The following PIK3R1 variants were observed in gnomAD, a reference collection of about 807,000 sequenced individuals.
The protein encoded by PIK3R1 is phosphatidylinositol 3-kinase regulatory subunit alpha.
PIK3R1 carries 29 observed loss-of-function variants against 98.0 expected under a neutral mutation model. The observed-to-expected ratio is 0.30, with a 90% CI of 0.22 to 0.40. The LOEUF is 0.40. Ranked by LOEUF, PIK3R1 falls within the 10% of genes least tolerant of loss-of-function variation. The pLI is 1.00. For missense variants in PIK3R1, 596 were observed against 872.7 expected, an observed-to-expected ratio of 0.68 and a Z score of 3.99; for synonymous variants, 282 against 311.8, an observed-to-expected ratio of 0.90 and a Z score of 1.01.
At position 68,273,396 on chromosome 5, in the gene PIK3R1, C is replaced by A. The variant is rs1339235386; in HGVS notation, c.341C>A (p.Thr114Asn). 1 of 1,614,004 alleles carries A rather than the reference C, an allele frequency of 6.2e-7. No individual in the cohort carries two copies. The highest frequency in any genetic ancestry group is 8.5e-7 in the Non-Finnish European group (1 of 1,179,896). The change falls in exon 3 of 16, where the codon ACT becomes AAT. Residue 114 changes from threonine (T) to asparagine (N), a missense_variant. Physicochemically the swap from Thr to Asn is moderately conservative, Grantham distance 65 (BLOSUM62 0). This residue lies in a region of PIK3R1 where 352 missense variants were observed against 393.3 expected (regional missense o/e 0.90). Coordinates refer to ENST00000521381, the MANE Select transcript of PIK3R1 (RefSeq NM_181523.3). ...TEADVEQQAL[T>N]LPDLAEQFAP... ...GGGATTTTGTTGTTTGCAGCTTTGACTCTCCCGGATCTTGCAGAGCAGTTT... is the reference window on the plus strand; with the variant it reads ...GGGATTTTGTTGTTTGCAGCTTTGAATCTCCCGGATCTTGCAGAGCAGTTT...
intron 2 of PIK3R1, among the ~76,000 whole-genome samples, chr5:68,266,118 A>G (rs941168384): frequency 6.6e-6 from 1 of 152,150 alleles, no homozygotes; most frequent in Non-Finnish European, 1.5e-5. Flanking sequence ...TCTGGTCTCT[A>G]GTCTGCCAGT....
intron 2 of PIK3R1, among the ~76,000 whole-genome samples, chr5:68,251,840 G>C (rs992362276): frequency 4.6e-5 from 7 of 152,172 alleles, no homozygotes; most frequent in Non-Finnish European, 8.8e-5. Context: ...TCTCATCTGA[G>C]GAGGGGCTCA....
chr5:68,294,100 C>T (rs367781441), intron 11 of PIK3R1, among the ~76,000 whole-genome samples: 1 of 152,158 alleles, frequency 6.6e-6, no homozygotes, highest in South Asian at 2.1e-4. Context: ...TAGAAGGATC[C>T]TGTTTAGATT....
chr5:68,219,641 A>C (rs1744025228), intron 1 of PIK3R1, among the ~76,000 whole-genome samples: 1 of 152,246 alleles, frequency 6.6e-6, no homozygotes. Context: ...CTACATGGGC[A>C]AAGTCCACAC....
intron 2 of PIK3R1, among the ~76,000 whole-genome samples, chr5:68,245,217 T>G (rs1269544814): frequency 6.6e-6 from 1 of 152,370 alleles, no homozygotes; most frequent in African/African-American, 2.4e-5. Flanking sequence ...TCAGCAAATT[T>G]TCATTATATT....
chr5:68,250,165 A>G (rs1373408258), intron 2 of PIK3R1, among the ~76,000 whole-genome samples: 1 of 152,140 alleles, frequency 6.6e-6, no homozygotes, highest in African/African-American at 2.4e-5. Context: ...GCTCCTCTCC[A>G]GCTCACTGTG....
chr5:68,269,915 A>G (rs528901770), intron 2 of PIK3R1, among the ~76,000 whole-genome samples: 15 of 152,148 alleles, frequency 9.9e-5, no homozygotes, highest in Admixed American at 2.0e-4. Flanking sequence ...AAAATTTACC[A>G]TTTTAAACTC....
At chr5:68,280,837 A>G in intron 6 of PIK3R1, 90 bp from the exon 7 acceptor site, 1 of 1,250,744 alleles carries the variant, frequency 8.0e-7, no homozygotes, top group Non-Finnish European at 1.2e-6. Flanking sequence ...GCATGTGCAG[A>G]TGCTATCACA....
At chr5:68,293,258 T>G in intron 9 of PIK3R1, 45 bp from the exon 10 acceptor site, 2 of 1,594,802 alleles carry the variant, frequency 1.3e-6, no homozygotes, top group Non-Finnish European at 1.7e-6. Context: ...ACATATTTCC[T>G]TATTCCAAAA....
chr5:68,225,286 T>C lies in PIK3R1; in HGVS notation c.-386-1004T>C, dbSNP rs908624549. 6.6e-5 allele frequency among the ~76,000 whole-genome samples: 10 copies of C among 152,230 alleles called. No homozygotes were observed. The East Asian group carries it at 1.9e-3, about 29-fold the overall frequency. ...TGTCCTTGTGAGCTCTTCCATTCCA[T>C]TGAATTCAGCCTTGCCTAATTGTGG... is the stretch of plus-strand genomic sequence containing the variant. On this transcript the variant is annotated intron_variant, in intron 1 of 15. Coordinates refer to ENST00000521381, the MANE Select transcript of PIK3R1 (RefSeq NM_181523.3).
intron 2 of PIK3R1, among the ~76,000 whole-genome samples, chr5:68,240,715 C>A (rs1034609845): frequency 2.6e-5 from 4 of 152,120 alleles, no homozygotes; most frequent in African/African-American, 9.7e-5. Flanking sequence ...TTGTTACATG[C>A]CTTTAATATT....
chr5:68,238,975 CA>C (rs10532256), intron 2 of PIK3R1, among the ~76,000 whole-genome samples: 26,115 of 124,874 alleles, frequency 0.21, 2,396 homozygotes, highest in African/African-American at 0.29. Flanking sequence ...CAATAAATGC[CA>C]AAAAAAAAAA....
chr5:68,273,664 T>C (rs1657298326), intron 3 of PIK3R1, 182 bp downstream of exon 3: 1 of 610,092 alleles, frequency 1.6e-6, no homozygotes, highest in African/African-American at 1.8e-5. Flanking sequence ...CTATAATTTC[T>C]AACTCTAGAT....
intron 7 of PIK3R1, among the ~76,000 whole-genome samples, chr5:68,289,889 C>CTA (rs1199781146): frequency 1.3e-5 from 2 of 150,860 alleles, no homozygotes; most frequent in Non-Finnish European, 2.9e-5. Flanking sequence ...GCATTCTGAT[C>CTA]TATAGCCTCT....
chr5:68,273,945 A>G lies in PIK3R1; in HGVS notation c.434A>G (p.Glu145Gly), dbSNP rs1238497131. The G allele has an allele frequency of 6.2e-7, 1 of 1,613,518 alleles. No individual in the cohort carries two copies. The highest frequency in any genetic ancestry group is 2.2e-5 in the East Asian group (1 of 44,884). ...LVEAIEKKGL[E>G]CSTLYRTQSS... The stretch of plus-strand genomic sequence containing the variant: ...GGTCTGTTTTGTGTCCTAGGTCTGG[A>G]ATGTTCAACTCTATACAGAACACAG... Residue 145 changes from glutamate (E) to glycine (G), a missense_variant, in exon 4 of 16, where the codon GAA becomes GGA. Physicochemically the swap from Glu to Gly is moderately conservative, Grantham distance 98 (BLOSUM62 -2). Transcript: ENST00000521381.
rs2112195690 is a variant in PIK3R1, at chr5:68,280,652, C to G, written c.759C>G (p.Thr253=). ...AACATTTCTTCAAGCTCTCTCAAAC[C>G]TCCAGCAAAAATCTGTTGAATGCAA... is the stretch of plus-strand genomic sequence containing the variant. The part of the protein sequence containing the change: ...LLKHFFKLSQ[T]SSKNLLNARV... The change falls in exon 6 of 16, where the codon ACC becomes ACG. Residue 253 remains threonine (T), a synonymous_variant. Coordinates refer to ENST00000521381, the MANE Select transcript of PIK3R1 (RefSeq NM_181523.3). 1 of 1,614,106 alleles carries G rather than the reference C, an allele frequency of 6.2e-7. No individual in the cohort carries two copies. The highest frequency in any genetic ancestry group is 8.5e-7 in the Non-Finnish European group (1 of 1,179,980).
At chr5:68,224,487 G>A (rs901996240) in intron 1 of PIK3R1, among the ~76,000 whole-genome samples, 2 of 152,154 alleles carry the variant, frequency 1.3e-5, no homozygotes, top group African/African-American at 4.8e-5. Flanking sequence ...ACTCTCCTAA[G>A]TGTGTTATTG....
chr5:68,228,491 GATCA>G (rs1294699589), intron 2 of PIK3R1, among the ~76,000 whole-genome samples: 11 of 152,110 alleles, frequency 7.2e-5, no homozygotes, highest in African/African-American at 2.7e-4. Context: ...TTTCTTTGCA[GATCA>G]ATCAAAAAAC....
chr5:68,262,785 A>C lies in PIK3R1; in HGVS notation c.335-10605A>C, dbSNP rs559074053. Among the ~76,000 whole-genome samples, 24 of 29,472 alleles carry C rather than the reference A, an allele frequency of 8.1e-4. 3 individuals carry two copies. The East Asian group carries it at 0.013, about 16-fold the overall frequency. The allele number at this position is 29,472 out of a possible 152,430, so 19.3% of individuals were successfully genotyped here. A position where few individuals can be genotyped will look rare whatever the true frequency, so the allele number is the denominator to read the frequency against. On this transcript the variant is annotated intron_variant, in intron 2 of 15. Coordinates refer to ENST00000521381, the MANE Select transcript of PIK3R1 (RefSeq NM_181523.3). ...CATATATACATGTAGATGCATGTAG[A>C]TACATGTATACGTAGATACATGTAT... is the stretch of plus-strand genomic sequence containing the variant.
Sources: gnomAD v4.1 joint callset for allele counts (sites outside exome capture counted in the v4.1 genomes callset) on GRCh38, gnomAD v4.1.1 for gene constraint, gnomAD v4.1.1 regional missense constraint, MANE v1.5 for transcripts, NCBI Gene and HGNC (gene_info 2026-07-23, HGNC 2026-07-21) for gene names.